The following TNRC6B variants were observed in gnomAD, a reference collection of about 807,000 sequenced individuals.
The protein encoded by TNRC6B is trinucleotide repeat containing adaptor 6B, also known as trinucleotide repeat-containing gene 6B protein.
Under a neutral mutation model 203.6 loss-of-function variants are expected in TNRC6B, and 52 were observed. The observed-to-expected ratio is 0.26, with a 90% confidence interval of 0.20 to 0.32. TNRC6B has a LOEUF of 0.32. Ranked by LOEUF, TNRC6B falls within the 10% of genes least tolerant of loss-of-function variation. The pLI is 1.00. For synonymous variants in TNRC6B, 838 were observed against 845.7 expected (o/e 0.99, Z 0.16); for missense variants, 1,923 against 2,286.2 (o/e 0.84, Z 3.24).
chr22:40,312,911 C>T lies in TNRC6B; in HGVS notation c.4592C>T (p.Ser1531Phe), dbSNP rs1569065756. The T allele has an allele frequency of 6.2e-7, 1 of 1,613,556 alleles. No individual in the cohort carries two copies. The highest frequency in any genetic ancestry group is 8.5e-7 in the Non-Finnish European group (1 of 1,179,678). ...LLRDNTTGSNSSLNTSLPSPG... is the reference protein window; with the variant it reads ...LLRDNTTGSNFSLNTSLPSPG... ...TTCTTTGTTACCCAAGGGTCTAATT[C>T]TTCCCTCAACACCTCGCTGCCTTCA... Residue 1531 changes from serine (S) to phenylalanine (F), a missense_variant, in exon 19 of 23, where the codon TCT (serine) becomes TTT (phenylalanine). Around this residue, in one of 8 missense-constraint regions of TNRC6B, gnomAD observed 159 missense variants for 181.0 expected, o/e 0.88. Transcript: ENST00000454349.
chr22:40,320,156 T>G (rs1056285641), intron 21 of TNRC6B, among the ~76,000 whole-genome samples: 5 of 152,114 alleles, frequency 3.3e-5, no homozygotes, highest in Admixed American at 3.3e-4. Flanking sequence ...AGAAATGAAC[T>G]GAAATGGTGG....
In TNRC6B at chr22:40,265,532, T is replaced by A; in HGVS notation, c.1302T>A (p.Thr434=). The A allele has an allele frequency of 6.2e-7, 1 of 1,613,914 alleles. No individual in the cohort carries two copies. Among genetic ancestry groups the A allele is most frequent in the Non-Finnish European group, 8.5e-7 (1 of 1,179,878 alleles). The change falls in exon 5 of 23, where the codon ACT becomes ACA. Residue 434 remains threonine, a synonymous_variant. Transcript: ENST00000454349. ...SWGAARGPSG[T]DTVSGQSNSG... ...GTGCAGCTAGGGGGCCTTCTGGAAC[T>A]GACACAGTCTCTGGACAAAGCAATT...
intron 1 of TNRC6B, among the ~76,000 whole-genome samples, chr22:40,057,249 A>G (rs1325880701): frequency 2.6e-5 from 4 of 151,892 alleles, no homozygotes; most frequent in Non-Finnish European, 5.9e-5. Flanking sequence ...TTTTTTTCCT[A>G]AAGGTGTTGA....
At chr22:40,045,375 G>T (rs899935656) in intron 1 of TNRC6B, 2 of 149,776 alleles carry the variant, frequency 1.3e-5, no homozygotes, top group Non-Finnish European at 3.0e-5. Flanking sequence ...GGCGTCACGC[G>T]CCAGCAGGTG....
chr22:40,242,394 A>G lies in TNRC6B; in HGVS notation c.6-3621A>G, dbSNP rs78530070. ...TTCCATTTGTGTAACTTATTTTCTCAACAGTGAGAAACATGGCTGTCATTA... is the reference window on the plus strand; with the variant it reads ...TTCCATTTGTGTAACTTATTTTCTCGACAGTGAGAAACATGGCTGTCATTA... On this transcript the variant is annotated intron_variant, in intron 1 of 22. Transcript: ENST00000454349. 2.3e-3 allele frequency among the ~76,000 whole-genome samples: 356 copies of G among 151,940 alleles called. 1 individual carries two copies. The highest frequency in any genetic ancestry group is 8.5e-3 in the African/African-American group (354 of 41,468).
intron 12 of TNRC6B, among the ~76,000 whole-genome samples, chr22:40,299,807 T>C (rs757074049): frequency 1.3e-5 from 2 of 152,208 alleles, no homozygotes; most frequent in Non-Finnish European, 2.9e-5. Flanking sequence ...TCACTTCTTC[T>C]TACTTAAATC....
intron 22 of TNRC6B, 152 bp downstream of exon 22, chr22:40,321,381 T>G (rs1209457346): frequency 4.3e-6 from 4 of 932,800 alleles, no homozygotes; most frequent in Non-Finnish European, 6.3e-6. Context: ...GTGGAGAGTG[T>G]GGAGGTGCCG....
intron 1 of TNRC6B, among the ~76,000 whole-genome samples, chr22:40,076,019 CA>C (rs1398039743): frequency 6.6e-6 from 1 of 152,164 alleles, no homozygotes; most frequent in Non-Finnish European, 1.5e-5. Context: ...TCCATTTACC[CA>C]CATATTTGCC....
At chr22:40,061,381 A>ATTT (rs547333413) in intron 1 of TNRC6B, among the ~76,000 whole-genome samples, 3,360 of 144,354 alleles carry the variant, frequency 0.023, 110 homozygotes, top group African/African-American at 0.08. Context: ...CGTCTGCCTA[A>ATTT]TTTTTTTTTT....
At chr22:40,122,917 C>T (rs1601826283) in intron 2 of TNRC6B, among the ~76,000 whole-genome samples, 1 of 152,272 alleles carries the variant, frequency 6.6e-6, no homozygotes, top group East Asian at 1.9e-4. Context: ...CCCTCAAGGT[C>T]ACACATCCGT....
intron 3 of TNRC6B, among the ~76,000 whole-genome samples, chr22:40,126,910 G>A (rs1208792652): frequency 6.6e-6 from 1 of 150,534 alleles, no homozygotes; most frequent in Non-Finnish European, 1.5e-5. Flanking sequence ...CTTTTTTATG[G>A]CTACATATTA....
chr22:40,145,385 C>T (rs937950100), intron 3 of TNRC6B, among the ~76,000 whole-genome samples: 1 of 152,014 alleles, frequency 6.6e-6, no homozygotes, highest in Non-Finnish European at 1.5e-5. Context: ...CTGTTGAGAC[C>T]ATGTTAAATA....
intron 1 of TNRC6B, among the ~76,000 whole-genome samples, chr22:40,067,349 T>A (rs996051888): frequency 6.6e-6 from 1 of 152,160 alleles, no homozygotes. Flanking sequence ...GTGGGAATTA[T>A]GTGAATGCCC....
chr22:40,141,119 C>T (rs968986712), intron 3 of TNRC6B, among the ~76,000 whole-genome samples: 1 of 150,626 alleles, frequency 6.6e-6, no homozygotes, highest in Non-Finnish European at 1.5e-5. Flanking sequence ...AAATTTCTCT[C>T]TCTCTACTTT....
At chr22:40,251,261 T>C (rs1162677433) in intron 3 of TNRC6B, 61 bp downstream of exon 3, 6 of 1,340,734 alleles carry the variant, frequency 4.5e-6, no homozygotes, top group African/African-American at 3.0e-5. Context: ...TTTTACACTG[T>C]TGCTGACTCA....
At chr22:40,170,175 G>C (rs1272402731) in intron 4 of TNRC6B, among the ~76,000 whole-genome samples, 1 of 149,456 alleles carries the variant, frequency 6.7e-6, no homozygotes, top group Non-Finnish European at 1.5e-5. Context: ...CTACTTGGGA[G>C]GCTGAGGCAG....
chr22:40,117,476 A>G (rs2068399633), intron 2 of TNRC6B, among the ~76,000 whole-genome samples: 1 of 152,028 alleles, frequency 6.6e-6, no homozygotes, highest in South Asian at 2.1e-4. Context: ...TTTCTGAATG[A>G]TAGATTTACT....
At chr22:40,241,501 A>T (rs1002922436) in intron 1 of TNRC6B, among the ~76,000 whole-genome samples, 1 of 152,188 alleles carries the variant, frequency 6.6e-6, no homozygotes, top group Non-Finnish European at 1.5e-5. Context: ...GCAGGCCAGT[A>T]TATTTTGTAG....
At chr22:40,289,899 G>T (rs538930061) in intron 12 of TNRC6B, among the ~76,000 whole-genome samples, 60 of 152,256 alleles carry the variant, frequency 3.9e-4, no homozygotes, top group African/African-American at 1.3e-3. Flanking sequence ...CCAGCAAATG[G>T]CACTCTCATC....
Sources: allele counts gnomAD v4.1 joint callset (sites outside exome capture counted in the v4.1 genomes callset), GRCh38; gene constraint gnomAD v4.1.1; regional missense constraint gnomAD v4.1.1; transcripts MANE v1.5; gene names NCBI Gene and HGNC (gene_info 2026-07-23, HGNC 2026-07-21).